Variants in CNTN5 observed in about 807,000 individuals in gnomAD.
CNTN5 encodes contactin-5.
Under a neutral mutation model 129.1 loss-of-function variants are expected in CNTN5, and 77 were observed. That is an observed-to-expected ratio of 0.60 (90% CI 0.50 to 0.72). The LOEUF (loss-of-function observed/expected upper bound fraction) is 0.72, where lower values mean the gene tolerates loss of function less well. CNTN5 is among the 30% of genes least tolerant of loss of function. The pLI is 0.00. For missense variants in CNTN5, 1,478 were observed against 1,328.8 expected, an observed-to-expected ratio of 1.11 and a Z score of -1.75; for synonymous variants, 509 against 465.6, an observed-to-expected ratio of 1.09 and a Z score of -1.20.
intron 2 of CNTN5, among the ~76,000 whole-genome samples, chr11:99,352,472 C>G (rs1938364060): frequency 6.6e-6 from 1 of 152,064 alleles, no homozygotes; most frequent in Non-Finnish European, 1.5e-5. Context: ...TGTAGGAAGA[C>G]AGAAATTTAA....
chr11:99,155,826 C>T (rs1395515896), intron 1 of CNTN5, among the ~76,000 whole-genome samples: 1 of 152,090 alleles, frequency 6.6e-6, no homozygotes, highest in South Asian at 2.1e-4. Flanking sequence ...AATTAAGCTA[C>T]AAATGAAGTG....
intron 8 of CNTN5, among the ~76,000 whole-genome samples, chr11:99,977,634 A>C (rs1565746372): frequency 6.6e-6 from 1 of 152,186 alleles, no homozygotes; most frequent in East Asian, 1.9e-4. Flanking sequence ...CCACACCTTT[A>C]AACCATCAAA....
chr11:99,036,421 C>G (rs1161095981), intron 1 of CNTN5, among the ~76,000 whole-genome samples: 1 of 151,778 alleles, frequency 6.6e-6, no homozygotes, highest in Non-Finnish European at 1.5e-5. Flanking sequence ...TTTTGGGTAG[C>G]TACATAACAA....
intron 9 of CNTN5, among the ~76,000 whole-genome samples, chr11:100,022,503 T>C (rs540976944): frequency 6.6e-6 from 1 of 152,356 alleles, no homozygotes; most frequent in African/African-American, 2.4e-5. Context: ...CCACATATTA[T>C]AAAGCCCATA....
intron 13 of CNTN5, among the ~76,000 whole-genome samples, chr11:100,120,963 G>C (rs188467836): frequency 6.6e-6 from 1 of 151,468 alleles, no homozygotes; most frequent in South Asian, 2.1e-4. Flanking sequence ...GTACTGTAGG[G>C]GTGAAAGTAA....
At chr11:99,147,725 A>G (rs117322501) in intron 1 of CNTN5, among the ~76,000 whole-genome samples, 2,189 of 152,262 alleles carry the variant, frequency 0.014, 23 homozygotes, top group African/African-American at 0.029. Flanking sequence ...CTCCTCTGAT[A>G]TTTCCTAACA....
intron 1 of CNTN5, among the ~76,000 whole-genome samples, chr11:99,212,684 T>TTTTATGTTCTATATAATTTTAAAAAATA: frequency 6.6e-6 from 1 of 152,100 alleles, no homozygotes; most frequent in East Asian, 1.9e-4. Flanking sequence ...TTTTATGTTA[T>TTTTATGTTCTATATAATTTTAAAAAATA]TTAGGGGAAT....
chr11:99,944,202 T>C lies in CNTN5; in HGVS notation c.674-12604T>C, dbSNP rs545700254. Among the ~76,000 whole-genome samples the C allele has an allele frequency of 1.4e-4, 22 of 152,156 alleles. No individual in the cohort carries two copies. The South Asian group carries it at 4.3e-3, about 30-fold the overall frequency. ...GTGTTAAGAGGGAAATTTATAGCAC[T>C]AAATGCCCATATGAGAAAGCAGGAA... On this transcript the variant is annotated intron_variant, in intron 7 of 24. Transcript: ENST00000524871.
intron 3 of CNTN5, among the ~76,000 whole-genome samples, chr11:99,690,715 G>A (rs930151664): frequency 1.3e-5 from 2 of 151,980 alleles, no homozygotes; most frequent in African/African-American, 4.8e-5. Context: ...GTATTCATAG[G>A]TATTTTATTC....
chr11:100,081,152 T>C (rs1423830132), intron 13 of CNTN5, among the ~76,000 whole-genome samples: 1 of 152,058 alleles, frequency 6.6e-6, no homozygotes, highest in East Asian at 1.9e-4. Flanking sequence ...TAATTTTTTA[T>C]TAGAAAAAAT....
At chr11:99,044,457 T>G (rs2135150379) in intron 1 of CNTN5, among the ~76,000 whole-genome samples, 1 of 152,254 alleles carries the variant, frequency 6.6e-6, no homozygotes, top group South Asian at 2.1e-4. Context: ...TGCACAAAAA[T>G]GAGCAGTCTA....
intron 2 of CNTN5, among the ~76,000 whole-genome samples, chr11:99,540,345 A>G (rs1014257483): frequency 3.3e-5 from 5 of 152,236 alleles, no homozygotes; most frequent in Admixed American, 1.3e-4. Flanking sequence ...ATTTAAAGAT[A>G]AATAAATTAA....
chr11:99,428,960 A>T (rs1040617041), intron 2 of CNTN5, among the ~76,000 whole-genome samples: 3 of 152,146 alleles, frequency 2.0e-5, no homozygotes, highest in Admixed American at 6.5e-5. Context: ...TTATAAAAAA[A>T]TTACACAAAG....
At position 99,552,210 on chromosome 11, in the gene CNTN5, TTTGTG is replaced by T. The variant is rs528718898; in HGVS notation, c.-70-3932_-70-3928del. On this transcript the variant is annotated intron_variant, in intron 2 of 24. Transcript: ENST00000524871. ...ACATGAGCTACGCACCTGGTCAGTTTTTGTGTTTTTTTTTTTGTATTATATTTTGC... is the reference window on the plus strand; with the variant it reads ...ACATGAGCTACGCACCTGGTCAGTTTTTTTTTTTTTTGTATTATATTTTGC... 2.7e-3 allele frequency among the ~76,000 whole-genome samples: 403 copies of T among 151,138 alleles called. 8 individuals are homozygous for T. Among genetic ancestry groups the T allele is most frequent in the African/African-American group, 8.5e-3 (349 of 41,132 alleles).
chr11:99,832,768 A>G (rs2135621219), intron 4 of CNTN5, among the ~76,000 whole-genome samples: 1 of 152,312 alleles, frequency 6.6e-6, no homozygotes, highest in South Asian at 2.1e-4. Flanking sequence ...GATCATTAAA[A>G]TGGCATTTCT....
At chr11:100,152,095 A>G (rs1947080973) in intron 13 of CNTN5, among the ~76,000 whole-genome samples, 1 of 152,124 alleles carries the variant, frequency 6.6e-6, no homozygotes, top group African/African-American at 2.4e-5. Context: ...CTCTAAGTGA[A>G]ATCGTCAACC....
At chr11:100,083,131 C>G (rs139012262) in intron 13 of CNTN5, among the ~76,000 whole-genome samples, 1,601 of 152,120 alleles carry the variant, frequency 0.011, 30 homozygotes, top group African/African-American at 0.034. Flanking sequence ...GCCTGGATAA[C>G]ATGGTGAAAC....
At chr11:99,644,931 T>G (rs1050571962) in intron 3 of CNTN5, among the ~76,000 whole-genome samples, 10 of 151,794 alleles carry the variant, frequency 6.6e-5, no homozygotes, top group African/African-American at 2.4e-4. Flanking sequence ...AGAAACTGTT[T>G]CCAAACTTTA....
At chr11:99,916,367 C>T (rs998929216) in intron 7 of CNTN5, among the ~76,000 whole-genome samples, 3 of 152,100 alleles carry the variant, frequency 2.0e-5, no homozygotes, top group Non-Finnish European at 4.4e-5. Context: ...GCCATTCTAA[C>T]TGTTAACTGT....
Sources: allele counts gnomAD v4.1 joint callset (sites outside exome capture counted in the v4.1 genomes callset), GRCh38; gene constraint gnomAD v4.1.1; transcripts MANE v1.5; gene names NCBI Gene and HGNC (gene_info 2026-07-23, HGNC 2026-07-21).